Variants in EPN3 observed in about 807,000 individuals in gnomAD.
EPN3 encodes the protein epsin 3, also known as epsin-3.
A neutral mutation model predicts 55.5 loss-of-function variants in EPN3; 56 were observed. That is an observed-to-expected ratio of 1.01 (90% confidence interval 0.81 to 1.26). The LOEUF is 1.26. EPN3 is among the 50% of genes most tolerant of loss of function. EPN3 has a pLI of 0.00. For missense variants in EPN3, 927 were observed against 853.4 expected, an observed-to-expected ratio of 1.09 and a Z score of -1.07; for synonymous variants, 449 against 375.2, an observed-to-expected ratio of 1.20 and a Z score of -2.27.
rs1309456552 is a variant in EPN3 at position 50,542,614 on chromosome 17, GC to G, written c.*458del. 2 of 174,164 alleles carry G rather than the reference GC, an allele frequency of 1.1e-5. No individual in the cohort carries two copies. The highest frequency in any genetic ancestry group is 4.8e-5 in the African/African-American group (2 of 41,734). The allele number at this position is 174,164 out of a possible 1,614,324, so 10.8% of individuals were successfully genotyped here. ...TATCACACATGGGCACTGGGGTTGG[GC>G]TAACAGCAAGAGACAATAGGCCTTT... On this transcript the variant is annotated 3_prime_UTR_variant, in exon 10 of 10. Transcript: ENST00000268933.
chr17:50,534,464 G>A (rs1484984399), intron 1 of EPN3: 11 of 985,540 alleles, frequency 1.1e-5, no homozygotes, highest in South Asian at 4.7e-5. Context: ...CGGTAGGGGC[G>A]TGTGCTGGGC....
rs1428962790 is a variant in EPN3 at position 50,543,268 on chromosome 17, G to A, written c.*1111G>A. On this transcript the variant is annotated 3_prime_UTR_variant, in exon 10 of 10. Coordinates refer to ENST00000268933, the MANE Select transcript of EPN3 (RefSeq NM_017957.3). ...TCTCCCTTGCTTCGCCAAGGCTAGC[G>A]AGAAACTCAGTCTTAGCCACACAGG... is the stretch of plus-strand genomic sequence containing the variant. The A allele has an allele frequency of 1.3e-5, 2 of 152,260 alleles. No homozygotes were observed. Among genetic ancestry groups the A allele is most frequent in the East Asian group, 1.9e-4 (1 of 5,202 alleles). The allele number at this position is 152,260 out of a possible 1,614,324, so 9.4% of individuals were successfully genotyped here.
chr17:50,535,647 C>A (rs1444373186), intron 1 of EPN3, among the ~76,000 whole-genome samples: 1 of 152,134 alleles, frequency 6.6e-6, no homozygotes, highest in South Asian at 2.1e-4. Flanking sequence ...TTGGGTCTTC[C>A]TGTGCGGCTC....
chr17:50,537,413 A>C, intron 2 of EPN3: 1 of 445,242 alleles, frequency 2.2e-6, no homozygotes, highest in Non-Finnish European at 4.1e-6. Context: ...TGCTTCCTCC[A>C]AGCTGTGTGA....
At position 50,538,953 on chromosome 17, in the gene EPN3, G is replaced by T. The variant is rs760425340; in HGVS notation, c.751G>T (p.Glu251Ter). 1.2e-6 allele frequency: 2 copies of T among 1,605,994 alleles called. No individual in the cohort carries two copies. Among genetic ancestry groups the T allele is most frequent in the Non-Finnish European group, 1.7e-6 (2 of 1,175,460 alleles). Reference sequence around the variant, plus strand: ...GCTGGCTCTGCGCCTGAGCCGGCAGGAGCACGAGAAGGTAGTGGGCCGAGC... The same window carrying T: ...GCTGGCTCTGCGCCTGAGCCGGCAGTAGCACGAGAAGGTAGTGGGCCGAGC... Reference protein sequence around the residue: ...LQLALRLSRQEHEKEVRSWQG... With the variant: ...LQLALRLSRQ Residue 251 changes from glutamate to a stop codon, truncating the protein, a stop_gained, in exon 4 of 10, where the codon GAG (glutamate) becomes TAG (stop). Transcript: ENST00000268933. LOFTEE classifies it high-confidence loss of function.
intron 1 of EPN3, chr17:50,534,688 G>A (rs2034733102): frequency 1.0e-5 from 10 of 973,628 alleles, no homozygotes; most frequent in Non-Finnish European, 1.2e-5. Context: ...TCTCCACCTC[G>A]CCCACTCCCA....
chr17:50,538,852 AG>A, intron 3 of EPN3, 31 bp from the exon 4 acceptor site: 2 of 1,529,876 alleles, frequency 1.3e-6, no homozygotes, highest in Non-Finnish European at 1.8e-6. Context: ...GTGGGGGTAC[AG>A]GGCCAAGTTT....
chr17:50,533,909 G>GC (rs1160180417), intron 1 of EPN3, among the ~76,000 whole-genome samples: 2 of 152,146 alleles, frequency 1.3e-5, no homozygotes, highest in African/African-American at 4.8e-5. Context: ...ATACCCAGCT[G>GC]CCCAGGGCTG....
Position 50,538,887 on chromosome 17 carries a change from G to C in EPN3, c.685G>C (p.Val229Leu). Residue 229 changes from valine to leucine, a missense_variant, in exon 4 of 10, where the codon GTC becomes CTC. By Grantham distance (32) the Val-to-Leu change is conservative. Coordinates refer to ENST00000268933, the MANE Select transcript of EPN3 (RefSeq NM_017957.3). ...AMSREEAEKP[V>L]PPASHRDEDL... ...TTACCCCTCTCTTCCTCCGCAGCCT[G>C]TCCCCCCAGCCTCCCACAGGGACGA... 1 of 1,602,064 alleles carries C rather than the reference G, an allele frequency of 6.2e-7. No homozygotes were observed. The highest frequency in any genetic ancestry group is 8.5e-7 in the Non-Finnish European group (1 of 1,172,916).
intron 5 of EPN3, among the ~76,000 whole-genome samples, chr17:50,539,988 T>G (rs2034822422): frequency 6.6e-6 from 1 of 152,152 alleles, no homozygotes; most frequent in Non-Finnish European, 1.5e-5. Flanking sequence ...CATTCCACCC[T>G]CTGTGCGCTG....
In EPN3 at chr17:50,536,625, G is replaced by C. The variant is rs1364386591; in HGVS notation, c.69G>C (p.Lys23Asn). 7.4e-6 allele frequency: 12 copies of C among 1,614,060 alleles called. No homozygotes were observed. The highest frequency in any genetic ancestry group is 1.0e-5 in the Non-Finnish European group (12 of 1,180,014). Residue 23 changes from lysine to asparagine, a missense_variant, in exon 2 of 10, where the codon AAG becomes AAC. Coordinates refer to ENST00000268933, the MANE Select transcript of EPN3 (RefSeq NM_017957.3). ...ACAACTACTCCGAGGCAGAAATCAA[G>C]GTGCGCGAGGCCACCAGCAATGACC... The part of the protein sequence containing the change: ...IVHNYSEAEI[K>N]VREATSNDPW...
chr17:50,536,522 G>A lies in EPN3; in HGVS notation c.-35G>A, dbSNP rs771779103. 1.2e-5 allele frequency: 20 copies of A among 1,611,898 alleles called. No individual in the cohort carries two copies. The highest frequency in any genetic ancestry group is 1.2e-4 in the South Asian group (11 of 91,032). ...TGGCCCTCAGCCCTCCACCTCCGGC[G>A]GGGGCGAGGGCCACCCACCTCCAAG... is the stretch of plus-strand genomic sequence containing the variant. On this transcript the variant is annotated 5_prime_UTR_variant, in exon 2 of 10. Coordinates refer to ENST00000268933, the MANE Select transcript of EPN3 (RefSeq NM_017957.3).
At position 50,542,616 on chromosome 17, in the gene EPN3, T is replaced by C. The variant is rs2034865311; in HGVS notation, c.*459T>C. 2 of 173,184 alleles carry C rather than the reference T, an allele frequency of 1.2e-5. No homozygotes were observed. The highest frequency in any genetic ancestry group is 2.9e-4 in the South Asian group (2 of 6,818). The allele number at this position is 173,184 out of a possible 1,614,324, so 10.7% of individuals were successfully genotyped here. ...TCACACATGGGCACTGGGGTTGGGC[T>C]AACAGCAAGAGACAATAGGCCTTTG... On this transcript the variant is annotated 3_prime_UTR_variant, in exon 10 of 10. Transcript: ENST00000268933.
In EPN3 at chr17:50,541,245, T is replaced by A. The variant is rs2034845012; in HGVS notation, c.1266T>A (p.Phe422Leu). 1.2e-6 allele frequency: 2 copies of A among 1,613,680 alleles called. No individual in the cohort carries two copies. The highest frequency in any genetic ancestry group is 4.5e-5 in the East Asian group (2 of 44,860). ...TSDTPGGASTFDPFAKPPEST... is the reference protein window; with the variant it reads ...TSDTPGGASTLDPFAKPPEST... ...TCTTCCGAGGTGGTGCCTCGACCTT[T>A]GACCCATTTGCCAAACCTCCAGAAT... The change falls in exon 8 of 10, where the codon TTT (phenylalanine) becomes TTA (leucine). Residue 422 changes from phenylalanine (F) to leucine (L), a missense_variant. By Grantham distance (22) the Phe-to-Leu change is conservative. Transcript: ENST00000268933.
intron 6 of EPN3, 125 bp downstream of exon 6, chr17:50,540,459 T>G (rs1597863476): frequency 3.4e-6 from 3 of 891,028 alleles, no homozygotes; most frequent in Admixed American, 5.0e-5. Context: ...CTCACCACCT[T>G]GAGCCTCCGC....
At chr17:50,540,387 T>A in intron 6 of EPN3, 53 bp downstream of exon 6, 2 of 1,527,300 alleles carry the variant, frequency 1.3e-6, no homozygotes, top group South Asian at 2.3e-5. Flanking sequence ...AGCCTCCTCC[T>A]TCCCAGCCAC....
At chr17:50,537,792 A>G in intron 2 of EPN3, 1 of 402,756 alleles carries the variant, frequency 2.5e-6, no homozygotes, top group Non-Finnish European at 4.4e-6. Flanking sequence ...GAAGTCCAAG[A>G]GCTGGAGTCA....
intron 8 of EPN3, 26 bp from the exon 9 acceptor site, chr17:50,541,438 A>C: frequency 6.2e-7 from 1 of 1,611,692 alleles, no homozygotes; most frequent in Non-Finnish European, 8.5e-7. Flanking sequence ...TTTCCCCACC[A>C]ATTAGCTCTA....
Position 50,536,840 on chromosome 17 carries a change from A to C in EPN3, c.284A>C (p.Gln95Pro), listed in dbSNP as rs1215895180. The change falls in exon 2 of 10, where the codon CAG (glutamine) becomes CCG (proline). Residue 95 changes from glutamine (Q) to proline (P), a missense_variant. Gln to Pro is a moderately conservative substitution (Grantham distance 76, BLOSUM62 -1). Coordinates refer to ENST00000268933, the MANE Select transcript of EPN3 (RefSeq NM_017957.3). ...ACGGGCTCCGAGCGGGTGGCCCACC[A>C]GTGCCGCGAGAACCTCTACACCATC... ...LKTGSERVAHQCRENLYTIQT... is the reference protein window; with the variant it reads ...LKTGSERVAHPCRENLYTIQT... The C allele has an allele frequency of 1.2e-6, 2 of 1,614,110 alleles. No homozygotes were observed. Among genetic ancestry groups the C allele is most frequent in the Admixed American group, 3.3e-5 (2 of 60,024 alleles).
Sources: gnomAD v4.1 joint callset for allele counts (sites outside exome capture counted in the v4.1 genomes callset) on GRCh38, gnomAD v4.1.1 for gene constraint, MANE v1.5 for transcripts, NCBI Gene and HGNC (gene_info 2026-07-23, HGNC 2026-07-21) for gene names.